Variants in PABPC1 observed in about 807,000 individuals in gnomAD.
The protein encoded by PABPC1 is poly(A) binding protein cytoplasmic 1, also known as polyadenylate-binding protein 1.
In PABPC1, 4 loss-of-function variants were observed where a neutral mutation model predicts 74.0. The ratio of observed to expected loss-of-function variants is 0.05; its 90% CI spans 0.03 to 0.12. The LOEUF is 0.12. Among genes scored for constraint, PABPC1 ranks in the 10% least tolerant of loss-of-function variants. The pLI is 1.00. For missense variants in PABPC1, 271 were observed against 821.1 expected (o/e 0.33, Z 8.19); for synonymous variants, 227 against 264.1 (o/e 0.86, Z 1.36).
chr8:100,712,221 A>G lies in PABPC1; in HGVS notation c.972+141T>C, dbSNP rs1810545982. 4 of 561,506 alleles carry G rather than the reference A, an allele frequency of 7.1e-6. No individual in the cohort carries two copies. In the African/African-American group the frequency reaches 7.7e-5, roughly 11 times the overall value. The allele number at this position is 561,506 out of a possible 1,614,324, so 34.8% of individuals were successfully genotyped here. On this transcript the variant is annotated intron_variant, in intron 7 of 14. Transcript: ENST00000318607. ...AGTTAACCATTAGGCTATGACAACCAGTTCAAATGTGAATTTAAGTTTTAG... is the reference window on the plus strand; with the variant it reads ...AGTTAACCATTAGGCTATGACAACCGGTTCAAATGTGAATTTAAGTTTTAG...
In PABPC1 at chr8:100,712,438, T is replaced by C; in HGVS notation, c.896A>G (p.Lys299Arg). Reference sequence around the variant, plus strand: ...ATCATCAATACCATCATCAAGATTTTTCACATAAAGATTAACACCCTAAAA... The same window carrying C: ...ATCATCAATACCATCATCAAGATTTCTCACATAAAGATTAACACCCTAAAA... ...TRYQGVNLYV[K>R]NLDDGIDDER... The change falls in exon 7 of 15, where the codon AAA becomes AGA. Residue 299 changes from lysine (K) to arginine (R), a missense_variant. Coordinates refer to ENST00000318607, the MANE Select transcript of PABPC1 (RefSeq NM_002568.4). The C allele has an allele frequency of 6.2e-7, 1 of 1,608,780 alleles. No individual in the cohort carries two copies. The highest frequency in any genetic ancestry group is 8.5e-7 in the Non-Finnish European group (1 of 1,176,830).
Position 100,721,506 on chromosome 8 carries a change from C to A in PABPC1, c.78G>T (p.Met26Ile). Residue 26 changes from methionine to isoleucine, a missense_variant, in exon 1 of 15, where the codon ATG (methionine) becomes ATT (isoleucine). Physicochemically the swap from Met to Ile is conservative, Grantham distance 10. Around this residue, in one of 7 missense-constraint regions of PABPC1, gnomAD observed 47 missense variants for 214.1 expected, o/e 0.22. Transcript: ENST00000318607. The surrounding 1 kb of genome is among the most constrained non-coding windows in gnomAD (Gnocchi z 7.4). ...GDLHPDVTEA[M>I]LYEKFSPAGP... ...CGGCCGGGCTGAACTTCTCGTAGAG[C>A]ATCGCCTCGGTCACGTCGGGGTGGA... is the stretch of plus-strand genomic sequence containing the variant. 1.2e-6 allele frequency: 2 copies of A among 1,611,644 alleles called. No individual in the cohort carries two copies. Among genetic ancestry groups the A allele is most frequent in the Non-Finnish European group, 1.7e-6 (2 of 1,178,720 alleles).
chr8:100,703,345 T>C lies in PABPC1; in HGVS notation c.*16A>G, dbSNP rs1015332693. 2.5e-5 allele frequency: 4 copies of C among 157,068 alleles called. No homozygotes were observed. The highest frequency in any genetic ancestry group is 9.6e-5 in the African/African-American group (4 of 41,474). 9.7% of individuals were successfully genotyped at this position (157,068 alleles called of 1,614,324 possible). On this transcript the variant is annotated 3_prime_UTR_variant, in exon 15 of 15. Coordinates refer to ENST00000318607, the MANE Select transcript of PABPC1 (RefSeq NM_002568.4). ...TCGGTGAAGCACAAGTTTCTTTTCA[T>C]GGTCCCTGATCAATCTGTAAATGTT...
chr8:100,705,927 C>T (rs1368011682), intron 11 of PABPC1, among the ~76,000 whole-genome samples: 2 of 152,230 alleles, frequency 1.3e-5, no homozygotes, highest in Non-Finnish European at 2.9e-5. Flanking sequence ...TGGCTCGCTG[C>T]AACCTCCGCC....
chr8:100,703,775 C>T (rs899695185), intron 14 of PABPC1, among the ~76,000 whole-genome samples: 3 of 152,062 alleles, frequency 2.0e-5, no homozygotes, highest in Admixed American at 1.3e-4. Flanking sequence ...TCTGGCAGGG[C>T]GCAGTGGCTC....
At chr8:100,718,703 A>G (rs1329213685) in intron 1 of PABPC1, among the ~76,000 whole-genome samples, 2 of 152,216 alleles carry the variant, frequency 1.3e-5, no homozygotes, top group Non-Finnish European at 2.9e-5. Flanking sequence ...ATAGATTTAA[A>G]TATTTTAACT....
At chr8:100,719,745 G>GT (rs1810765383) in intron 1 of PABPC1, among the ~76,000 whole-genome samples, 1 of 152,178 alleles carries the variant, frequency 6.6e-6, no homozygotes, top group South Asian at 2.1e-4. Flanking sequence ...CTGAGAAAGA[G>GT]TAACACTTTC....
At chr8:100,720,844 A>G (rs917766248) in intron 1 of PABPC1, among the ~76,000 whole-genome samples, 3 of 152,324 alleles carry the variant, frequency 2.0e-5, no homozygotes, top group Non-Finnish European at 4.4e-5. Flanking sequence ...TCGCCACAGG[A>G]ACTTTATCCT....
At position 100,721,255 on chromosome 8, in the gene PABPC1, C is replaced by A; in HGVS notation, c.193+136G>T. On this transcript the variant is annotated intron_variant, in intron 1 of 14. Coordinates refer to ENST00000318607, the MANE Select transcript of PABPC1 (RefSeq NM_002568.4). This position sits in a 1 kb window ranked among gnomAD's most constrained non-coding sequence, Gnocchi z 7.4. ...AAACGCGGCTCCAGGGACCCCGGCGCCTTCCCGCCGGCCGTCGCGGGGTGA... is the reference window on the plus strand; with the variant it reads ...AAACGCGGCTCCAGGGACCCCGGCGACTTCCCGCCGGCCGTCGCGGGGTGA... 1 of 292,398 alleles carries A rather than the reference C, an allele frequency of 3.4e-6. No homozygotes were observed. Among genetic ancestry groups the A allele is most frequent in the Non-Finnish European group, 5.3e-6 (1 of 190,314 alleles). The allele number at this position is 292,398 out of a possible 1,614,324, so 18.1% of individuals were successfully genotyped here.
At position 100,721,563 on chromosome 8, in the gene PABPC1, G is replaced by A; in HGVS notation, c.21C>T (p.Ser7=). Residue 7 remains serine, a synonymous_variant, in exon 1 of 15, where the codon AGC becomes AGT. Transcript: ENST00000318607. The surrounding 1 kb of genome is among the most constrained non-coding windows in gnomAD (Gnocchi z 7.4). ...CCACGTAGAGCGAGGCCATGGGGTA[G>A]CTGGGGGCACTGGGGTTCATCTCGG... MNPSAP[S]YPMASLYVGD... The A allele has an allele frequency of 6.2e-7, 1 of 1,600,488 alleles. No homozygotes were observed. Among genetic ancestry groups the A allele is most frequent in the Non-Finnish European group, 8.5e-7 (1 of 1,171,578 alleles).
chr8:100,709,864 T>C (rs1693557), intron 7 of PABPC1, 133 bp from the exon 8 acceptor site: 502,238 of 1,026,866 alleles, frequency 0.49, 130,492 homozygotes, highest in African/African-American at 0.91. Context: ...ATCTTGTATT[T>C]ACCCATTGAG....
At chr8:100,715,933 A>G (rs540332557) in intron 3 of PABPC1, among the ~76,000 whole-genome samples, 118 of 152,358 alleles carry the variant, frequency 7.7e-4, no homozygotes, top group Non-Finnish European at 1.3e-3. Flanking sequence ...TATCAAATTA[A>G]AAAGCTTTCA....
rs1381592617 is a variant in PABPC1 at position 100,703,271 on chromosome 8, T to G, written c.*90A>C. 1 of 46,914 alleles carries G rather than the reference T, an allele frequency of 2.1e-5. No individual in the cohort carries two copies. The highest frequency in any genetic ancestry group is 1.2e-4 in the African/African-American group (1 of 8,370). 2.9% of individuals were successfully genotyped at this position (46,914 alleles called of 1,614,324 possible). A position where few individuals can be genotyped will look rare whatever the true frequency, so the allele number is the denominator to read the frequency against. Reference sequence around the variant, plus strand: ...TTTTTATTTATTTTATATTTTGCAATGTTTTTTTTCCATAATATTTAAGTT... The same window carrying G: ...TTTTTATTTATTTTATATTTTGCAAGGTTTTTTTTCCATAATATTTAAGTT... On this transcript the variant is annotated 3_prime_UTR_variant, in exon 15 of 15. Coordinates refer to ENST00000318607, the MANE Select transcript of PABPC1 (RefSeq NM_002568.4).
Position 100,721,745 on chromosome 8 carries a change from G to A in PABPC1, c.-162C>T. 3.4e-6 allele frequency: 2 copies of A among 591,106 alleles called. No homozygotes were observed. The highest frequency in any genetic ancestry group is 3.0e-5 in the South Asian group (1 of 32,840). 36.6% of individuals were successfully genotyped at this position (591,106 alleles called of 1,614,324 possible). A position where few individuals can be genotyped will look rare whatever the true frequency, so the allele number is the denominator to read the frequency against. ...GAAAACTACTCAACGGCCGCAGAAC[G>A]GGGTCGATCCACTGCCGCTGGCTGC... On this transcript the variant is annotated 5_prime_UTR_variant, in exon 1 of 15. Transcript: ENST00000318607. The surrounding 1 kb of genome is among the most constrained non-coding windows in gnomAD (Gnocchi z 7.4).
At position 100,705,779 on chromosome 8, in the gene PABPC1, T is replaced by G; in HGVS notation, c.1603-106A>C. ...GAAGTGGTAGACTTCCATCGAAACA[T>G]GAGGTGGAGAAGTTGAGTGAGCGAA... On this transcript the variant is annotated intron_variant, in intron 11 of 14. Transcript: ENST00000318607. The G allele has an allele frequency of 4.0e-6, 3 of 750,484 alleles. No individual in the cohort carries two copies. In the South Asian group the frequency reaches 4.7e-5, roughly 12 times the overall value. The allele number at this position is 750,484 out of a possible 1,614,324, so 46.5% of individuals were successfully genotyped here.
At chr8:100,715,922 C>G (rs1279328970) in intron 3 of PABPC1, among the ~76,000 whole-genome samples, 1 of 152,186 alleles carries the variant, frequency 6.6e-6, no homozygotes, top group African/African-American at 2.4e-5. Flanking sequence ...AAAAAGACCT[C>G]TATCAAATTA....
chr8:100,712,264 C>A (rs960193788), intron 7 of PABPC1, 98 bp downstream of exon 7: 4 of 676,478 alleles, frequency 5.9e-6, no homozygotes, highest in African/African-American at 1.8e-5. Context: ...GAAGCAAACA[C>A]CTCTCTAGTG....
Position 100,709,124 on chromosome 8 carries a change from A to G in PABPC1, c.1336+9T>C, listed in dbSNP as rs926832162. ...ATCCCCAACCTTAATTAAAAGAAAAAAGACTTACGATGAGGTCTGGCACCC... is the reference window on the plus strand; with the variant it reads ...ATCCCCAACCTTAATTAAAAGAAAAGAGACTTACGATGAGGTCTGGCACCC... On this transcript the variant is annotated intron_variant, in intron 9 of 14. Coordinates refer to ENST00000318607, the MANE Select transcript of PABPC1 (RefSeq NM_002568.4). 1 of 1,563,760 alleles carries G rather than the reference A, an allele frequency of 6.4e-7. No homozygotes were observed. Among genetic ancestry groups the G allele is most frequent in the South Asian group, 1.2e-5 (1 of 86,644 alleles).
chr8:100,704,755 G>A (rs1170861345), intron 13 of PABPC1, among the ~76,000 whole-genome samples, 171 bp downstream of exon 13: 1 of 152,198 alleles, frequency 6.6e-6, no homozygotes, highest in Non-Finnish European at 1.5e-5. Context: ...GCCTGTTTCA[G>A]TTTACCTATC....
Sources: gnomAD v4.1 joint callset for allele counts (sites outside exome capture counted in the v4.1 genomes callset) on GRCh38, gnomAD v4.1.1 for gene constraint, gnomAD v4.1.1 regional missense constraint, Gnocchi (gnomAD v3.1) non-coding constraint, MANE v1.5 for transcripts, NCBI Gene and HGNC (gene_info 2026-07-23, HGNC 2026-07-21) for gene names.